IQGAP2: variants seen among roughly 807,000 people sequenced by gnomAD.
The protein encoded by IQGAP2 is ras GTPase-activating-like protein IQGAP2.
IQGAP2 carries 173 observed loss-of-function variants against 201.3 expected under a neutral mutation model. The ratio of observed to expected loss-of-function variants is 0.86; its 90% CI spans 0.76 to 0.98. The LOEUF is 0.98. IQGAP2 is among the 50% of genes least tolerant of loss of function. The pLI is 0.00. For missense variants in IQGAP2, 1,687 were observed against 1,864.8 expected (o/e 0.90, Z 1.76); for synonymous variants, 675 against 673.9 (o/e 1.00, Z -0.03).
chr5:76,540,539 A>C (rs899257381), intron 2 of IQGAP2, among the ~76,000 whole-genome samples: 1 of 152,248 alleles, frequency 6.6e-6, no homozygotes, highest in Non-Finnish European at 1.5e-5. Flanking sequence ...CTGGAAGCCA[A>C]CAACGGACTG....
At chr5:76,425,851 C>T (rs1233391652) in intron 1 of IQGAP2, among the ~76,000 whole-genome samples, 1 of 152,158 alleles carries the variant, frequency 6.6e-6, no homozygotes, top group African/African-American at 2.4e-5. Context: ...CCTCATGGGT[C>T]AGTGCGTGCA....
chr5:76,645,905 C>T (rs537019185), intron 17 of IQGAP2, among the ~76,000 whole-genome samples: 4 of 151,408 alleles, frequency 2.6e-5, no homozygotes, highest in Non-Finnish European at 5.9e-5. Context: ...TAATCTGTTA[C>T]TATGACAGGT....
chr5:76,595,381 A>C (rs1486914602), intron 9 of IQGAP2, among the ~76,000 whole-genome samples: 4 of 148,096 alleles, frequency 2.7e-5, no homozygotes, highest in Admixed American at 1.4e-4. Context: ...AAGCTACCAC[A>C]CCCTGCCTGG....
chr5:76,695,604 G>A lies in IQGAP2; in HGVS notation c.4144G>A (p.Glu1382Lys), dbSNP rs766232680. ...RKIQRNLRTL[E>K]QTGHVSSENK... ...AATCCAGAGGAATCTTCGGACGTTG[G>A]AACAGACTGGACACGTGTCATCCGA... is the stretch of plus-strand genomic sequence containing the variant. The change falls in exon 32 of 36, where the codon GAA becomes AAA. Residue 1382 changes from glutamate (E) to lysine (K), a missense_variant. Glu to Lys is a moderately conservative substitution (Grantham distance 56, BLOSUM62 1). Coordinates refer to ENST00000274364, the MANE Select transcript of IQGAP2 (RefSeq NM_006633.5). 6.2e-7 allele frequency: 1 copy of A among 1,614,064 alleles called. No individual in the cohort carries two copies. The highest frequency in any genetic ancestry group is 8.5e-7 in the Non-Finnish European group (1 of 1,180,042).
intron 2 of IQGAP2, among the ~76,000 whole-genome samples, chr5:76,491,583 C>T (rs957836705): frequency 3.3e-5 from 5 of 152,100 alleles, no homozygotes; most frequent in Admixed American, 2.0e-4. Flanking sequence ...GGATTACAGG[C>T]GTGAGCCACC....
chr5:76,431,329 ATG>A (rs1200450187), intron 1 of IQGAP2, among the ~76,000 whole-genome samples: 1 of 152,042 alleles, frequency 6.6e-6, no homozygotes, highest in Admixed American at 6.5e-5. Flanking sequence ...AAAATATAAA[ATG>A]TTTCATATTT....
chr5:76,565,349 T>C (rs533848268), intron 3 of IQGAP2, among the ~76,000 whole-genome samples: 41 of 152,318 alleles, frequency 2.7e-4, no homozygotes, highest in African/African-American at 9.6e-4. Context: ...GCCTTGGCAC[T>C]GGCAGCTTTG....
At chr5:76,636,881 A>G (rs1158486657) in intron 15 of IQGAP2, among the ~76,000 whole-genome samples, 153 bp from the exon 16 acceptor site, 1 of 152,216 alleles carries the variant, frequency 6.6e-6, no homozygotes, top group Non-Finnish European at 1.5e-5. Flanking sequence ...AATACATCGA[A>G]TTCATTCCAT....
rs548298499 is a variant in IQGAP2 at position 76,606,155 on chromosome 5, T to A, written c.1233-24T>A. On this transcript the variant is annotated intron_variant, in intron 11 of 35. Coordinates refer to ENST00000274364, the MANE Select transcript of IQGAP2 (RefSeq NM_006633.5). ...GAAGAATGAATGTCTCTAATTAACATCAAGATTATTTTCTCTTCCACAGTT... is the reference window on the plus strand; with the variant it reads ...GAAGAATGAATGTCTCTAATTAACAACAAGATTATTTTCTCTTCCACAGTT... The A allele has an allele frequency of 9.6e-6, 15 of 1,569,980 alleles. 1 individual carries two copies. The African/African-American group carries it at 1.1e-4, about 11-fold the overall frequency.
At chr5:76,677,803 A>T (rs1423355749) in intron 28 of IQGAP2, among the ~76,000 whole-genome samples, 2 of 151,872 alleles carry the variant, frequency 1.3e-5, no homozygotes, top group Non-Finnish European at 2.9e-5. Flanking sequence ...TTGGTGGTAC[A>T]TGCCTGTAGT....
intron 2 of IQGAP2, among the ~76,000 whole-genome samples, chr5:76,503,295 T>C (rs1757399745): frequency 6.7e-6 from 1 of 149,586 alleles, no homozygotes; most frequent in South Asian, 2.2e-4. Flanking sequence ...TGCCTCAGCC[T>C]CCTGAGTAGC....
chr5:76,512,254 G>A (rs1053256218), intron 2 of IQGAP2, among the ~76,000 whole-genome samples: 4 of 152,180 alleles, frequency 2.6e-5, no homozygotes, highest in African/African-American at 9.7e-5. Flanking sequence ...ATCCCAAGAA[G>A]TTACTTGGGC....
chr5:76,627,298 C>A, intron 13 of IQGAP2, 112 bp from the exon 14 acceptor site: 1 of 784,222 alleles, frequency 1.3e-6, no homozygotes. Flanking sequence ...TGGATAGTTG[C>A]TGATTAAGAA....
chr5:76,604,153 G>A lies in IQGAP2; in HGVS notation c.1233-2026G>A, dbSNP rs113994925. Among the ~76,000 whole-genome samples, 552 of 151,746 alleles carry A rather than the reference G, an allele frequency of 3.6e-3. 1 individual carries two copies. Among genetic ancestry groups the A allele is most frequent in the Non-Finnish European group, 6.4e-3 (437 of 67,916 alleles). On this transcript the variant is annotated intron_variant, in intron 11 of 35. Transcript: ENST00000274364. ...AGTTCCCCACCCCCTGACATGCCTC[G>A]GTGTATGTTGTTGTTCCCCTCCCTG...
At chr5:76,490,037 A>G (rs1167506191) in intron 2 of IQGAP2, among the ~76,000 whole-genome samples, 1 of 152,172 alleles carries the variant, frequency 6.6e-6, no homozygotes, top group African/African-American at 2.4e-5. Context: ...TGGTATTTCA[A>G]ATGTGTGCCT....
chr5:76,482,276 T>A (rs900225138), intron 2 of IQGAP2, among the ~76,000 whole-genome samples: 3 of 152,238 alleles, frequency 2.0e-5, no homozygotes, highest in Non-Finnish European at 4.4e-5. Context: ...TCTGATAGCC[T>A]CTTGCTTTGT....
chr5:76,696,450 A>G (rs192467578), intron 32 of IQGAP2, among the ~76,000 whole-genome samples: 1 of 152,394 alleles, frequency 6.6e-6, no homozygotes, highest in Admixed American at 6.5e-5. Context: ...GCAATGAAAC[A>G]TCACAGGAAG....
Position 76,521,358 on chromosome 5 carries a change from G to A in IQGAP2, c.147-41038G>A, listed in dbSNP as rs570712580. 1.2e-4 allele frequency among the ~76,000 whole-genome samples: 18 copies of A among 152,246 alleles called. No homozygotes were observed. The South Asian group carries it at 2.5e-3, about 21-fold the overall frequency. Reference sequence around the variant, plus strand: ...ACAACAGACCAGAGAGCATACTTACGTCACTATTTCCTATTTCTCTCATCT... The same window carrying A: ...ACAACAGACCAGAGAGCATACTTACATCACTATTTCCTATTTCTCTCATCT... On this transcript the variant is annotated intron_variant, in intron 2 of 35. Transcript: ENST00000274364.
intron 13 of IQGAP2, chr5:76,617,781 A>G (rs1226503946): frequency 6.2e-7 from 1 of 1,613,554 alleles, no homozygotes; most frequent in Non-Finnish European, 8.5e-7. Context: ...AATGGTAAAA[A>G]TCACAAGGAT....
Sources: allele counts gnomAD v4.1 joint callset (sites outside exome capture counted in the v4.1 genomes callset), GRCh38; gene constraint gnomAD v4.1.1; transcripts MANE v1.5; gene names NCBI Gene and HGNC (gene_info 2026-07-23, HGNC 2026-07-21).